NDFIP2: variants seen among roughly 807,000 people sequenced by gnomAD.
NDFIP2 encodes Nedd4 family interacting protein 2.
NDFIP2 carries 19 observed loss-of-function variants against 36.0 expected under a neutral mutation model. That is an observed-to-expected ratio of 0.53 (90% CI 0.37 to 0.77). NDFIP2 has a LOEUF of 0.77. NDFIP2 is among the 30% of genes least tolerant of loss of function. The pLI, the probability that NDFIP2 is intolerant of heterozygous loss-of-function variation, is 0.00. For missense variants in NDFIP2, 446 were observed against 435.8 expected (o/e 1.02, Z -0.21); for synonymous variants, 181 against 167.7 (o/e 1.08, Z -0.61).
At chr13:79,548,417 T>C in intron 6 of NDFIP2, 23 bp downstream of exon 6, 1 of 1,507,372 alleles carries the variant, frequency 6.6e-7, no homozygotes, top group Non-Finnish European at 9.1e-7. Context: ...TTAATGCATT[T>C]AGTTTAACTT....
chr13:79,490,725 G>A (rs1004669460), intron 1 of NDFIP2, among the ~76,000 whole-genome samples: 3 of 152,140 alleles, frequency 2.0e-5, no homozygotes, highest in African/African-American at 7.2e-5. Context: ...CTGAAGCTTG[G>A]CATGTTGAAG....
chr13:79,515,879 A>G (rs1874295836), intron 1 of NDFIP2, among the ~76,000 whole-genome samples: 1 of 136,124 alleles, frequency 7.3e-6, no homozygotes, highest in Non-Finnish European at 1.5e-5. Context: ...CCCCTAAATC[A>G]GGTGTTAAAA....
chr13:79,525,909 T>C (rs1874776427), intron 2 of NDFIP2, among the ~76,000 whole-genome samples: 1 of 152,250 alleles, frequency 6.6e-6, no homozygotes, highest in Non-Finnish European at 1.5e-5. Flanking sequence ...ATTATATGTC[T>C]TTAAGCTAGG....
chr13:79,504,190 A>G (rs1873774062), intron 1 of NDFIP2, among the ~76,000 whole-genome samples: 2 of 152,192 alleles, frequency 1.3e-5, no homozygotes, highest in South Asian at 2.1e-4. Context: ...CTTTCTTACT[A>G]TATAGCATTT....
chr13:79,541,509 G>A (rs1875454996), intron 4 of NDFIP2, among the ~76,000 whole-genome samples: 1 of 151,168 alleles, frequency 6.6e-6, no homozygotes, highest in Admixed American at 6.6e-5. Context: ...TACAAATATT[G>A]TACCAACATT....
chr13:79,492,505 C>T (rs570854340), intron 1 of NDFIP2, among the ~76,000 whole-genome samples: 5 of 152,132 alleles, frequency 3.3e-5, no homozygotes, highest in African/African-American at 7.2e-5. Context: ...TGAGTTCAAG[C>T]GGTCTTCCCC....
chr13:79,516,290 G>A (rs1278888778), intron 1 of NDFIP2, among the ~76,000 whole-genome samples: 1 of 152,122 alleles, frequency 6.6e-6, no homozygotes, highest in Non-Finnish European at 1.5e-5. Context: ...GTCTCACTTT[G>A]TCACCCAGGC....
chr13:79,540,793 G>A (rs181986548), intron 4 of NDFIP2, among the ~76,000 whole-genome samples: 1 of 152,278 alleles, frequency 6.6e-6, no homozygotes, highest in Non-Finnish European at 1.5e-5. Flanking sequence ...GGAGGGGAAT[G>A]AGCAAGGAGG....
At chr13:79,545,535 T>C (rs1875634451) in intron 5 of NDFIP2, among the ~76,000 whole-genome samples, 1 of 152,222 alleles carries the variant, frequency 6.6e-6, no homozygotes, top group Non-Finnish European at 1.5e-5. Flanking sequence ...AGAAGTGTTA[T>C]AAGAAAAGGA....
At chr13:79,512,851 G>A (rs138051962) in intron 1 of NDFIP2, among the ~76,000 whole-genome samples, 1 of 152,304 alleles carries the variant, frequency 6.6e-6, no homozygotes, top group Non-Finnish European at 1.5e-5. Context: ...TGACAGAGTA[G>A]GCCCAGTTTG....
At chr13:79,491,554 A>G (rs984386406) in intron 1 of NDFIP2, among the ~76,000 whole-genome samples, 2 of 152,084 alleles carry the variant, frequency 1.3e-5, no homozygotes, top group African/African-American at 4.8e-5. Flanking sequence ...TATCTTTTTT[A>G]TATTGATTAC....
Position 79,512,855 on chromosome 13 carries a change from C to T in NDFIP2, c.322-7955C>T, listed in dbSNP as rs1020778854. 3.3e-5 allele frequency among the ~76,000 whole-genome samples: 5 copies of T among 152,278 alleles called. No homozygotes were observed. The East Asian group carries it at 5.8e-4, about 18-fold the overall frequency. On this transcript the variant is annotated intron_variant, in intron 1 of 7. Transcript: ENST00000218652. ...CATTTTGTTATTGACAGAGTAGGCC[C>T]AGTTTGGGCTGGTCCTGTGGTTGTA...
At chr13:79,516,011 A>G (rs1212703610) in intron 1 of NDFIP2, among the ~76,000 whole-genome samples, 1 of 151,640 alleles carries the variant, frequency 6.6e-6, no homozygotes, top group Non-Finnish European at 1.5e-5. Context: ...TCCACTGAGG[A>G]CAAGAGGTTC....
At chr13:79,493,131 T>C (rs1873308112) in intron 1 of NDFIP2, among the ~76,000 whole-genome samples, 1 of 152,180 alleles carries the variant, frequency 6.6e-6, no homozygotes, top group African/African-American at 2.4e-5. Flanking sequence ...AGATCTGTCT[T>C]GTTTATAATA....
rs759995574 is a variant in NDFIP2 at position 79,481,240 on chromosome 13, G to T, written c.37G>T (p.Gly13Cys). The change falls in exon 1 of 8, where the codon GGT (glycine) becomes TGT (cysteine). Residue 13 changes from glycine to cysteine, a missense_variant. Around this residue, in one of 2 missense-constraint regions of NDFIP2, gnomAD observed 369 missense variants for 304.8 expected, o/e 1.21. Coordinates refer to ENST00000218652, the MANE Select transcript of NDFIP2 (RefSeq NM_019080.3). ...GCGGAGCCAGCGAGTCTGCGCGAGC[G>T]GTCCGAGCATGCTCAATAGCGCGCG... ...RRRSQRVCAS[G>C]PSMLNSARGA... 6.6e-7 allele frequency: 1 copy of T among 1,524,556 alleles called. No individual in the cohort carries two copies. The highest frequency in any genetic ancestry group is 1.2e-5 in the South Asian group (1 of 83,064). The allele number at this position is 1,524,556 out of a possible 1,614,324, so 94.4% of individuals were successfully genotyped here.
intron 1 of NDFIP2, among the ~76,000 whole-genome samples, chr13:79,514,970 C>A (rs912375402): frequency 6.6e-6 from 1 of 152,158 alleles, no homozygotes; most frequent in African/African-American, 2.4e-5. Context: ...AAAATACAGT[C>A]ATGTGTGGCT....
intron 2 of NDFIP2, 33 bp downstream of exon 2, chr13:79,521,008 CTT>C (rs59405124): frequency 6.8e-4 from 815 of 1,203,394 alleles, no homozygotes; most frequent in South Asian, 2.1e-3. Context: ...TTTATTAGTT[CTT>C]TTTTTTTTTT....
At chr13:79,499,251 A>C (rs1001944870) in intron 1 of NDFIP2, among the ~76,000 whole-genome samples, 1 of 151,970 alleles carries the variant, frequency 6.6e-6, no homozygotes, top group African/African-American at 2.4e-5. Flanking sequence ...ATCTACTAAA[A>C]GCCTATATCA....
At chr13:79,491,865 A>C (rs750085180) in intron 1 of NDFIP2, among the ~76,000 whole-genome samples, 1 of 152,118 alleles carries the variant, frequency 6.6e-6, no homozygotes, top group Non-Finnish European at 1.5e-5. Flanking sequence ...ACTTAGCTGG[A>C]ATTAGGGTGT....
Sources: gnomAD v4.1 joint callset for allele counts (sites outside exome capture counted in the v4.1 genomes callset) on GRCh38, gnomAD v4.1.1 for gene constraint, gnomAD v4.1.1 regional missense constraint, MANE v1.5 for transcripts, NCBI Gene and HGNC (gene_info 2026-07-23, HGNC 2026-07-21) for gene names.